The following PHACTR3 variants were observed in gnomAD, a reference collection of about 807,000 sequenced individuals.
PHACTR3 encodes the protein protein phosphatase 1, regulatory subunit 123.
A neutral mutation model predicts 66.8 loss-of-function variants in PHACTR3; 16 were observed. That is an observed-to-expected ratio of 0.24 (90% CI 0.16 to 0.36). The LOEUF (loss-of-function observed/expected upper bound fraction) is 0.36. PHACTR3 is among the 10% of genes least tolerant of loss of function. The pLI is 1.00. For synonymous variants in PHACTR3, 323 were observed against 292.1 expected, an observed-to-expected ratio of 1.11 and a Z score of -1.08; for missense variants, 647 against 719.9, an observed-to-expected ratio of 0.90 and a Z score of 1.16.
At chr20:59,669,304 G>A (rs1454503775) in intron 1 of PHACTR3, among the ~76,000 whole-genome samples, 1 of 152,188 alleles carries the variant, frequency 6.6e-6, no homozygotes, top group Non-Finnish European at 1.5e-5. Flanking sequence ...GTTAACTACT[G>A]AAGATGGGGT....
chr20:59,831,180 C>G (rs377231815), intron 8 of PHACTR3, among the ~76,000 whole-genome samples: 49 of 152,304 alleles, frequency 3.2e-4, no homozygotes, highest in East Asian at 2.9e-3. Context: ...CCCTTGGCCC[C>G]CAGAAATGAC....
chr20:59,719,377 C>A (rs1733483567), intron 1 of PHACTR3, among the ~76,000 whole-genome samples: 1 of 152,174 alleles, frequency 6.6e-6, no homozygotes. Flanking sequence ...CTTGGCCAGG[C>A]TGGTCTTGAA....
chr20:59,675,285 C>G (rs1360049974), intron 1 of PHACTR3, among the ~76,000 whole-genome samples: 1 of 151,808 alleles, frequency 6.6e-6, no homozygotes, highest in Non-Finnish European at 1.5e-5. Context: ...TCATATCACA[C>G]CATCCCTGGG....
intron 1 of PHACTR3, among the ~76,000 whole-genome samples, chr20:59,727,416 G>A (rs1409868585): frequency 6.6e-6 from 1 of 152,102 alleles, no homozygotes; most frequent in Non-Finnish European, 1.5e-5. Flanking sequence ...CGTGTATAAG[G>A]ACTGTAGTCA....
chr20:59,748,547 A>G (rs1311949565), intron 3 of PHACTR3, among the ~76,000 whole-genome samples: 1 of 152,218 alleles, frequency 6.6e-6, no homozygotes, highest in Non-Finnish European at 1.5e-5. Context: ...CAATTAACTG[A>G]ACAGAGTTCT....
At chr20:59,762,123 T>G (rs1207537972) in intron 4 of PHACTR3, among the ~76,000 whole-genome samples, 1 of 152,184 alleles carries the variant, frequency 6.6e-6, no homozygotes, top group Non-Finnish European at 1.5e-5. Flanking sequence ...TCTCCTGTCC[T>G]TAGAGCCATC....
chr20:59,584,108 C>T (rs1457864330), intron 1 of PHACTR3, among the ~76,000 whole-genome samples: 3 of 152,340 alleles, frequency 2.0e-5, no homozygotes, highest in Admixed American at 2.0e-4. Context: ...GTACTGGTGC[C>T]CGTGTGTGCA....
At chr20:59,733,232 C>T (rs2038833419) in intron 1 of PHACTR3, among the ~76,000 whole-genome samples, 1 of 152,086 alleles carries the variant, frequency 6.6e-6, no homozygotes. Context: ...GATCAGCACA[C>T]CCAAAATATC....
At chr20:59,688,750 G>T (rs149141678) in intron 1 of PHACTR3, among the ~76,000 whole-genome samples, 2 of 152,062 alleles carry the variant, frequency 1.3e-5, no homozygotes, top group African/African-American at 4.8e-5. Context: ...AACACAGTGG[G>T]GGTAATGCAT....
At chr20:59,846,042 C>T (rs2059140802) in intron 12 of PHACTR3, among the ~76,000 whole-genome samples, 1 of 152,134 alleles carries the variant, frequency 6.6e-6, no homozygotes, top group South Asian at 2.1e-4. Context: ...AGTTCTCAAA[C>T]ATCTCTGATT....
chr20:59,783,084 AAAGTG>A lies in PHACTR3; in HGVS notation c.1174+8598_1174+8602del, dbSNP rs1330726241. Among the ~76,000 whole-genome samples, 3 of 152,216 alleles carry A rather than the reference AAAGTG, an allele frequency of 2.0e-5. No individual in the cohort carries two copies. The East Asian group carries it at 5.8e-4, about 29-fold the overall frequency. On this transcript the variant is annotated intron_variant, in intron 7 of 12. Coordinates refer to ENST00000371015, the MANE Select transcript of PHACTR3 (RefSeq NM_080672.5). The stretch of plus-strand genomic sequence containing the variant: ...GGCTTCGTGCAGTGTATGCTTCTGT[AAAGTG>A]AAGAGCCACCTGCAGCGAGTGAGGA...
chr20:59,774,782 G>A (rs1394945790), intron 7 of PHACTR3, among the ~76,000 whole-genome samples: 1 of 152,050 alleles, frequency 6.6e-6, no homozygotes, highest in Non-Finnish European at 1.5e-5. Flanking sequence ...ACATAAAAGT[G>A]GTGAAGCAAG....
At chr20:59,677,101 A>C (rs531617345) in intron 1 of PHACTR3, among the ~76,000 whole-genome samples, 1 of 152,322 alleles carries the variant, frequency 6.6e-6, no homozygotes, top group African/African-American at 2.4e-5. Flanking sequence ...TGGGCTAAAA[A>C]TAAAAATTCC....
At chr20:59,813,091 G>A (rs985715578) in intron 8 of PHACTR3, among the ~76,000 whole-genome samples, 4 of 152,202 alleles carry the variant, frequency 2.6e-5, no homozygotes, top group African/African-American at 9.7e-5. Flanking sequence ...TAATGAGGTG[G>A]TTATGGTCCA....
intron 8 of PHACTR3, among the ~76,000 whole-genome samples, chr20:59,813,999 G>A (rs943195828): frequency 1.4e-4 from 22 of 152,244 alleles, no homozygotes; most frequent in Admixed American, 1.0e-3. Flanking sequence ...CCTCTTCAGG[G>A]TGTGCCCACT....
intron 1 of PHACTR3, among the ~76,000 whole-genome samples, chr20:59,689,109 T>G (rs73303153): frequency 0.06 from 9,122 of 152,292 alleles, 892 homozygotes; most frequent in African/African-American, 0.2. Flanking sequence ...AAGAGCCAAC[T>G]TCTCTGCTGT....
chr20:59,601,674 A>G (rs746097727), upstream of PHACTR3, among the ~76,000 whole-genome samples: 1 of 152,220 alleles, frequency 6.6e-6, no homozygotes, highest in Non-Finnish European at 1.5e-5. Context: ...CGGAGACCTT[A>G]TTATCTTCTA....
intron 1 of PHACTR3, among the ~76,000 whole-genome samples, chr20:59,662,750 G>A (rs2035855736): frequency 6.6e-6 from 1 of 152,138 alleles, no homozygotes; most frequent in Non-Finnish European, 1.5e-5. Context: ...GCTGAGGCAG[G>A]AGGTGCTGGG....
At chr20:59,755,128 A>G in intron 3 of PHACTR3, 54 bp from the exon 4 acceptor site, 2 of 1,556,830 alleles carry the variant, frequency 1.3e-6, no homozygotes, top group Non-Finnish European at 1.7e-6. Flanking sequence ...GGGACGACGG[A>G]AGGGATGAAG....
Sources: gnomAD v4.1 joint callset for allele counts (sites outside exome capture counted in the v4.1 genomes callset) on GRCh38, gnomAD v4.1.1 for gene constraint, MANE v1.5 for transcripts, NCBI Gene and HGNC (gene_info 2026-07-23, HGNC 2026-07-21) for gene names.